CD8B2: variants seen among roughly 807,000 people sequenced by gnomAD.
CD8B2 encodes CD8B family member 2.
In CD8B2, 11 loss-of-function variants were observed where a neutral mutation model predicts 23.7. The observed-to-expected ratio is 0.46, with a 90% CI of 0.29 to 0.77. The LOEUF is 0.77. Ranked by LOEUF, CD8B2 falls within the 30% of genes least tolerant of loss-of-function variation. CD8B2 has a pLI of 0.09. For missense variants in CD8B2, 197 were observed against 270.5 expected, an observed-to-expected ratio of 0.73 and a Z score of 1.91; for synonymous variants, 90 against 109.3, an observed-to-expected ratio of 0.82 and a Z score of 1.10.
chr2:106,493,285 T>C (rs546055428), intron 2 of CD8B2, among the ~76,000 whole-genome samples: 3 of 152,258 alleles, frequency 2.0e-5, no homozygotes, highest in African/African-American at 4.8e-5. Context: ...CCCTTAAGTA[T>C]ATCATGGGCT....
chr2:106,509,276 G>C lies in CD8B2; in HGVS notation c.*2336G>C, dbSNP rs1045931167. 1.3e-5 allele frequency: 2 copies of C among 152,284 alleles called. No individual in the cohort carries two copies. The highest frequency in any genetic ancestry group is 4.8e-5 in the African/African-American group (2 of 41,572). The allele number at this position is 152,284 out of a possible 1,614,324, so 9.4% of individuals were successfully genotyped here. A position where few individuals can be genotyped will look rare whatever the true frequency, so the allele number is the denominator to read the frequency against. On this transcript the variant is annotated 3_prime_UTR_variant, in exon 6 of 6. Coordinates refer to ENST00000643224, the MANE Select transcript of CD8B2 (RefSeq NM_001349727.2). Reference sequence around the variant, plus strand: ...CATCAGCTCTGAGGACAAGGGACAGGCTGCCTTCCAAGGCTGAGGGGAGGG... The same window carrying C: ...CATCAGCTCTGAGGACAAGGGACAGCCTGCCTTCCAAGGCTGAGGGGAGGG...
rs917814700 is a variant in CD8B2 at position 106,506,976 on chromosome 2, G to C, written c.*36G>C. 1 of 1,592,672 alleles carries C rather than the reference G, an allele frequency of 6.3e-7. No homozygotes were observed. Among genetic ancestry groups the C allele is most frequent in the African/African-American group, 1.3e-5 (1 of 74,206 alleles). ...CGGTTTTGGTGTCCTGCTACAAAAA[G>C]ACATCGGTCAGTAACGAGCACGATG... On this transcript the variant is annotated 3_prime_UTR_variant, in exon 6 of 6. Transcript: ENST00000643224.
chr2:106,507,650 G>A lies in CD8B2; in HGVS notation c.*710G>A, dbSNP rs1166663252. 3.0e-5 allele frequency: 29 copies of A among 962,312 alleles called. No homozygotes were observed. Among genetic ancestry groups the A allele is most frequent in the Non-Finnish European group, 3.1e-5 (25 of 809,132 alleles). The allele number at this position is 962,312 out of a possible 1,614,324, so 59.6% of individuals were successfully genotyped here. A position where few individuals can be genotyped will look rare whatever the true frequency, so the allele number is the denominator to read the frequency against. ...TCTTAGTTGTACAAATAAAGTCCCAGGTTAAAGATAACAAACGGGTCCTGT... is the reference window on the plus strand; with the variant it reads ...TCTTAGTTGTACAAATAAAGTCCCAAGTTAAAGATAACAAACGGGTCCTGT... On this transcript the variant is annotated 3_prime_UTR_variant, in exon 6 of 6. Transcript: ENST00000643224.
chr2:106,502,360 G>C, intron 3 of CD8B2, 114 bp from the exon 4 acceptor site: 1 of 579,986 alleles, frequency 1.7e-6, no homozygotes, highest in East Asian at 2.9e-5. Context: ...ACAAATGGTG[G>C]TATTCTCTGG....
rs184977857 is a variant in CD8B2 at position 106,537,793 on chromosome 2, G to A, written c.621-6199G>A. Among the ~76,000 whole-genome samples the A allele has an allele frequency of 4.3e-3, 652 of 152,256 alleles. 2 individuals are homozygous for A. The highest frequency in any genetic ancestry group is 0.015 in the African/African-American group (629 of 41,548). ...GTACTGCTGGGATTAAACTTAATAGGTTCTGAAGATAAAGTTAGCACGAAG... is the reference window on the plus strand; with the variant it reads ...GTACTGCTGGGATTAAACTTAATAGATTCTGAAGATAAAGTTAGCACGAAG... On this transcript the variant is annotated intron_variant, in intron 5 of 5. Coordinates refer to the CD8B2 transcript ENST00000416057.
intron 5 of CD8B2, among the ~76,000 whole-genome samples, chr2:106,517,272 C>G (rs1679742968): frequency 6.6e-6 from 1 of 152,092 alleles, no homozygotes. Flanking sequence ...CCGACTCCCC[C>G]AGCCTAGGCA....
chr2:106,503,479 ACT>A (rs1679452597), intron 4 of CD8B2, among the ~76,000 whole-genome samples: 1 of 152,204 alleles, frequency 6.6e-6, no homozygotes. Context: ...TGGTTTGCAA[ACT>A]CTCTCGATCA....
intron 5 of CD8B2, chr2:106,535,448 G>A (rs1187166722): frequency 6.6e-6 from 1 of 152,042 alleles, no homozygotes; most frequent in Non-Finnish European, 1.5e-5. Context: ...GAAGGTCCTT[G>A]TGTAGGAAAT....
At chr2:106,527,645 C>T (rs780740646) in intron 5 of CD8B2, among the ~76,000 whole-genome samples, 6 of 152,084 alleles carry the variant, frequency 3.9e-5, no homozygotes, top group Non-Finnish European at 5.9e-5. Context: ...ATTAGCTGGG[C>T]GTGGTAGCAC....
chr2:106,524,571 C>A (rs1679881326), intron 5 of CD8B2, among the ~76,000 whole-genome samples: 1 of 152,130 alleles, frequency 6.6e-6, no homozygotes, highest in Admixed American at 6.5e-5. Context: ...TTGTAAGAAG[C>A]CCCAGTGGTC....
intron 5 of CD8B2, among the ~76,000 whole-genome samples, chr2:106,541,608 G>T (rs1026776341): frequency 6.6e-6 from 1 of 152,134 alleles, no homozygotes; most frequent in Non-Finnish European, 1.5e-5. Context: ...CGTAAGATGC[G>T]ACCTGTTAGT....
At chr2:106,511,595 G>A (rs946383473), downstream of CD8B2, among the ~76,000 whole-genome samples, 2 of 151,764 alleles carry the variant, frequency 1.3e-5, no homozygotes, top group African/African-American at 2.4e-5. Flanking sequence ...GTCTCTACCT[G>A]TAGGAAGTGG....
intron 5 of CD8B2, among the ~76,000 whole-genome samples, chr2:106,542,133 T>G (rs1409078245): frequency 6.6e-6 from 1 of 152,252 alleles, no homozygotes; most frequent in African/African-American, 2.4e-5. Flanking sequence ...AGACAAACCT[T>G]CAGCCTCCCC....
At chr2:106,487,829 T>G (rs1484922948) in intron 1 of CD8B2, among the ~76,000 whole-genome samples, 1 of 151,980 alleles carries the variant, frequency 6.6e-6, no homozygotes, top group Non-Finnish European at 1.5e-5. Context: ...CAGGATGTGC[T>G]CGGAGGAAGG....
chr2:106,526,016 A>C (rs10169815), intron 5 of CD8B2, among the ~76,000 whole-genome samples: 150,235 of 152,334 alleles, frequency 0.99, 74,112 homozygotes, highest in East Asian at 1. Context: ...CCAAGGCGGG[A>C]AATTGCCTGA....
At chr2:106,539,883 C>T (rs1680145748) in intron 5 of CD8B2, among the ~76,000 whole-genome samples, 1 of 152,184 alleles carries the variant, frequency 6.6e-6, no homozygotes, top group South Asian at 2.1e-4. Context: ...AATCACTGTT[C>T]CCGTCACTGA....
intron 5 of CD8B2, among the ~76,000 whole-genome samples, chr2:106,523,062 GT>G (rs1679851918): frequency 6.6e-6 from 1 of 152,144 alleles, no homozygotes. Context: ...TTTTGCCATG[GT>G]CTTTGAACTC....
chr2:106,522,250 G>T (rs1679838404), intron 5 of CD8B2: 1 of 152,070 alleles, frequency 6.6e-6, no homozygotes, highest in Admixed American at 6.6e-5. Flanking sequence ...AGTCACTCCT[G>T]ATTTTATTTC....
chr2:106,506,412 C>A (rs1435335685), intron 5 of CD8B2, among the ~76,000 whole-genome samples: 1 of 152,178 alleles, frequency 6.6e-6, no homozygotes, highest in African/African-American at 2.4e-5. Flanking sequence ...GACGTACTCT[C>A]TTCTACTGTC....
Sources: allele counts gnomAD v4.1 joint callset (sites outside exome capture counted in the v4.1 genomes callset), GRCh38; gene constraint gnomAD v4.1.1; transcripts MANE v1.5; gene names NCBI Gene and HGNC (gene_info 2026-07-23, HGNC 2026-07-21).